The following SGCZ variants were observed in gnomAD, a reference collection of about 807,000 sequenced individuals.
The protein encoded by SGCZ is sarcoglycan zeta.
A neutral mutation model predicts 41.3 loss-of-function variants in SGCZ; 40 were observed. That is an observed-to-expected ratio of 0.97 (90% confidence interval 0.75 to 1.26). The LOEUF is 1.26. SGCZ is among the 50% of genes most tolerant of loss of function. The probability of loss-of-function intolerance (pLI) is 0.00; values close to 1 mark genes in which losing one functional copy is unlikely to be tolerated. For synonymous variants in SGCZ, 206 were observed against 137.5 expected (o/e 1.50, Z -3.49); for missense variants, 552 against 369.8 (o/e 1.49, Z -4.04).
chr8:14,320,106 G>C (rs929186421), intron 3 of SGCZ, among the ~76,000 whole-genome samples: 1 of 151,670 alleles, frequency 6.6e-6, no homozygotes, highest in African/African-American at 2.4e-5. Flanking sequence ...AATGTTAACA[G>C]TATTTTTTTT....
intron 3 of SGCZ, among the ~76,000 whole-genome samples, chr8:14,299,017 C>G (rs533792954): frequency 1.3e-5 from 2 of 151,902 alleles, no homozygotes; most frequent in Admixed American, 6.6e-5. Flanking sequence ...TCAATTGAAC[C>G]GAATCCAGAA....
chr8:14,253,217 GCTTCTAAAAAA>G, intron 3 of SGCZ, among the ~76,000 whole-genome samples: 1 of 79,904 alleles, frequency 1.3e-5, no homozygotes, highest in Admixed American at 1.4e-4. Context: ...CTAAAAATAT[GCTTCTAAAAAA>G]TAAGTTGTGT....
At chr8:15,016,784 G>A (rs143343343) in intron 1 of SGCZ, among the ~76,000 whole-genome samples, 3 of 152,178 alleles carry the variant, frequency 2.0e-5, no homozygotes, top group Non-Finnish European at 4.4e-5. Flanking sequence ...TATAAGCATG[G>A]TGCCAGCATC....
In SGCZ at chr8:14,892,681, C is replaced by A. The variant is rs573409553; in HGVS notation, c.40-337755G>T. ...GTTTATACATCAAACTTCCATGGAA[C>A]TAAGTAAATAAAAATTATGATCAAC... On this transcript the variant is annotated intron_variant, in intron 1 of 7. Transcript: ENST00000382080. 2.6e-5 allele frequency among the ~76,000 whole-genome samples: 4 copies of A among 152,016 alleles called. No homozygotes were observed. The East Asian group carries it at 5.8e-4, about 22-fold the overall frequency.
At chr8:14,729,753 A>G (rs1810171038) in intron 1 of SGCZ, among the ~76,000 whole-genome samples, 2 of 152,190 alleles carry the variant, frequency 1.3e-5, no homozygotes, top group Non-Finnish European at 1.5e-5. Flanking sequence ...TTTATCTGCA[A>G]AACAGTGCTA....
intron 1 of SGCZ, among the ~76,000 whole-genome samples, chr8:14,576,557 G>C (rs1299137959): frequency 6.6e-6 from 1 of 152,160 alleles, no homozygotes; most frequent in Non-Finnish European, 1.5e-5. Flanking sequence ...ATTATTTTTA[G>C]AATTGATTTT....
chr8:14,372,453 G>A (rs1803949499), intron 2 of SGCZ, among the ~76,000 whole-genome samples: 1 of 152,082 alleles, frequency 6.6e-6, no homozygotes. Context: ...GATTTCTGTG[G>A]CTTCACAGAA....
At position 14,554,911 on chromosome 8, in the gene SGCZ, A is replaced by G. The variant is rs569071911; in HGVS notation, c.55T>C (p.Tyr19His). 6.2e-7 allele frequency: 1 copy of G among 1,605,682 alleles called. No individual in the cohort carries two copies. Among genetic ancestry groups the G allele is most frequent in the Non-Finnish European group, 8.5e-7 (1 of 1,174,532 alleles). Residue 19 changes from tyrosine to histidine, a missense_variant, in exon 2 of 8, where the codon TAC becomes CAC. Coordinates refer to ENST00000382080, the MANE Select transcript of SGCZ (RefSeq NM_139167.4). ...TTATTCTGTTGGGTTGCTAGTATGT[A>G]TTGTTCTCGTGTCATCTGAAAAAGA... ...IEELKMTREQ[Y>H]ILATQQNNLP...
chr8:14,346,920 T>G (rs1802908599), intron 2 of SGCZ, among the ~76,000 whole-genome samples: 1 of 152,070 alleles, frequency 6.6e-6, no homozygotes, highest in South Asian at 2.1e-4. Context: ...AAAATTATTA[T>G]TTCGGACAGT....
intron 3 of SGCZ, among the ~76,000 whole-genome samples, chr8:14,240,426 C>T (rs1402321065): frequency 6.6e-6 from 1 of 151,842 alleles, no homozygotes; most frequent in African/African-American, 2.4e-5. Flanking sequence ...TTTACTCTAA[C>T]CGCAGAGAAT....
At chr8:14,438,331 A>G (rs767884830) in intron 2 of SGCZ, among the ~76,000 whole-genome samples, 3 of 152,026 alleles carry the variant, frequency 2.0e-5, no homozygotes, top group Non-Finnish European at 4.4e-5. Flanking sequence ...AATTATAAGT[A>G]TTACACACAT....
chr8:15,080,336 T>G (rs542310206), intron 1 of SGCZ, among the ~76,000 whole-genome samples: 2 of 152,216 alleles, frequency 1.3e-5, no homozygotes, highest in East Asian at 3.9e-4. Flanking sequence ...TGGGTCAATC[T>G]GACCTAACCT....
At chr8:14,180,594 C>T (rs1404887328) in intron 4 of SGCZ, among the ~76,000 whole-genome samples, 3 of 152,148 alleles carry the variant, frequency 2.0e-5, no homozygotes, top group Non-Finnish European at 1.5e-5. Flanking sequence ...ATTGCCAGTA[C>T]TGTTCCAGGA....
chr8:14,723,405 G>A (rs1385591587), intron 1 of SGCZ, among the ~76,000 whole-genome samples: 2 of 152,188 alleles, frequency 1.3e-5, no homozygotes, highest in Non-Finnish European at 2.9e-5. Flanking sequence ...CCTAGCTGCA[G>A]AGGACCCTCA....
intron 1 of SGCZ, among the ~76,000 whole-genome samples, chr8:14,725,213 T>C (rs1242831217): frequency 6.6e-6 from 1 of 152,244 alleles, no homozygotes; most frequent in African/African-American, 2.4e-5. Context: ...CCATTGTGTA[T>C]ATAGACCACC....
At chr8:14,182,567 G>T (rs1347926282) in intron 4 of SGCZ, among the ~76,000 whole-genome samples, 1 of 152,096 alleles carries the variant, frequency 6.6e-6, no homozygotes, top group East Asian at 1.9e-4. Flanking sequence ...CTGCAGAAGG[G>T]AAGAGAATAT....
chr8:14,633,222 T>C (rs1352808506), intron 1 of SGCZ, among the ~76,000 whole-genome samples: 1 of 152,004 alleles, frequency 6.6e-6, no homozygotes, highest in Non-Finnish European at 1.5e-5. Flanking sequence ...TATGTCTTGC[T>C]GTCCTTTTAT....
At chr8:14,355,871 G>A (rs2117116922) in intron 2 of SGCZ, among the ~76,000 whole-genome samples, 1 of 152,144 alleles carries the variant, frequency 6.6e-6, no homozygotes, top group African/African-American at 2.4e-5. Context: ...CATCTAAGAA[G>A]GTCTGTGAGT....
At chr8:14,879,152 C>A (rs1355810203) in intron 1 of SGCZ, 4 of 151,976 alleles carry the variant, frequency 2.6e-5, no homozygotes, top group African/African-American at 4.8e-5. Flanking sequence ...CAGTGAGACC[C>A]CCATCTCTTA....
Sources: allele counts gnomAD v4.1 joint callset (sites outside exome capture counted in the v4.1 genomes callset), GRCh38; gene constraint gnomAD v4.1.1; transcripts MANE v1.5; gene names NCBI Gene and HGNC (gene_info 2026-07-23, HGNC 2026-07-21).